PRXL2A: variants seen among roughly 807,000 people sequenced by gnomAD.
PRXL2A encodes peroxiredoxin-like 2A.
Under a neutral mutation model 25.6 loss-of-function variants are expected in PRXL2A, and 26 were observed. That is an observed-to-expected ratio of 1.02 (90% confidence interval 0.74 to 1.41). PRXL2A has a LOEUF of 1.41. PRXL2A is among the 40% of genes most tolerant of loss of function. The pLI is 0.00. For missense variants in PRXL2A, 246 were observed against 273.9 expected (o/e 0.90, Z 0.72); for synonymous variants, 98 against 102.9 (o/e 0.95, Z 0.29).
At chr10:80,414,996 CAGT>C (rs1158451157) in intron 1 of PRXL2A, among the ~76,000 whole-genome samples, 1 of 152,226 alleles carries the variant, frequency 6.6e-6, no homozygotes, top group Non-Finnish European at 1.5e-5. Flanking sequence ...CAGCAAGTCA[CAGT>C]AGTACGTGCT....
Position 80,427,384 on chromosome 10 carries a change from G to T in PRXL2A, c.464G>T (p.Arg155Leu). Residue 155 changes from arginine to leucine, a missense_variant, in exon 5 of 6, where the codon CGT (arginine) becomes CTT (leucine). Arg to Leu is a moderately radical substitution (Grantham distance 102, BLOSUM62 -2). Transcript: ENST00000606162. ...RRKMMFMGFIRLGVWYNFFRA... is the reference protein window; with the variant it reads ...RRKMMFMGFILLGVWYNFFRA... ...AAGATGATGTTTATGGGATTTATCC[G>T]TCTGGGAGTGTGGTACAACTTCTTC... The T allele has an allele frequency of 6.2e-7, 1 of 1,614,100 alleles. No homozygotes were observed. Among genetic ancestry groups the T allele is most frequent in the South Asian group, 1.1e-5 (1 of 91,080 alleles).
intron 1 of PRXL2A, among the ~76,000 whole-genome samples, chr10:80,410,107 G>A (rs987866588): frequency 6.6e-6 from 1 of 152,224 alleles, no homozygotes; most frequent in African/African-American, 2.4e-5. Flanking sequence ...GAACTCTAGG[G>A]CTCAAGCCCC....
Position 80,433,271 on chromosome 10 carries a change from A to T in PRXL2A, c.*1172A>T, listed in dbSNP as rs748886403. 1 of 152,260 alleles carries T rather than the reference A, an allele frequency of 6.6e-6. No homozygotes were observed. The highest frequency in any genetic ancestry group is 1.5e-5 in the Non-Finnish European group (1 of 68,048). 9.4% of individuals were successfully genotyped at this position (152,260 alleles called of 1,614,324 possible). ...GTCTTTTAGCCTAATTTGGCAAATC[A>T]GAAGAAAGGACATAGAGATGATGAA... is the stretch of plus-strand genomic sequence containing the variant. On this transcript the variant is annotated 3_prime_UTR_variant, in exon 6 of 6. Transcript: ENST00000606162.
At chr10:80,412,491 A>G (rs1395464152) in intron 1 of PRXL2A, among the ~76,000 whole-genome samples, 1 of 152,192 alleles carries the variant, frequency 6.6e-6, no homozygotes, top group Non-Finnish European at 1.5e-5. Flanking sequence ...AGTGCTGGGG[A>G]TGCAGGAATG....
chr10:80,427,515 C>G lies in PRXL2A; in HGVS notation c.576+19C>G. 6.2e-7 allele frequency: 1 copy of G among 1,613,412 alleles called. No homozygotes were observed. The highest frequency in any genetic ancestry group is 8.5e-7 in the Non-Finnish European group (1 of 1,179,612). The stretch of plus-strand genomic sequence containing the variant: ...AAAGCAGGTGAGTTCTTGGTGTTTA[C>G]TTGTGGTCTGTAGGTGTCTGTGTCT... On this transcript the variant is annotated intron_variant, in intron 5 of 5. Transcript: ENST00000606162.
intron 1 of PRXL2A, 27 bp from the exon 2 acceptor site, chr10:80,420,439 G>T: frequency 1.3e-6 from 2 of 1,547,078 alleles, no homozygotes; most frequent in South Asian, 2.5e-5. Flanking sequence ...GAGCAGTAAC[G>T]CCTTCTTCCT....
At chr10:80,422,813 C>A (rs1316538472) in intron 3 of PRXL2A, among the ~76,000 whole-genome samples, 1 of 152,146 alleles carries the variant, frequency 6.6e-6, no homozygotes, top group East Asian at 1.9e-4. Flanking sequence ...GTGACCAGGT[C>A]CAATTCCATG....
chr10:80,415,004 C>T (rs1048747024), intron 1 of PRXL2A, among the ~76,000 whole-genome samples: 13 of 152,222 alleles, frequency 8.5e-5, no homozygotes, highest in African/African-American at 2.4e-4. Flanking sequence ...CACAGTAGTA[C>T]GTGCTTCAAG....
At chr10:80,409,656 T>C (rs1362394344) in intron 1 of PRXL2A, among the ~76,000 whole-genome samples, 1 of 152,230 alleles carries the variant, frequency 6.6e-6, no homozygotes, top group Non-Finnish European at 1.5e-5. Context: ...GATTGGGATT[T>C]CCACTGCAGA....
rs553036732 is a variant in PRXL2A, at chr10:80,415,882, C to T, written c.-2-4584C>T. On this transcript the variant is annotated intron_variant, in intron 1 of 5. Transcript: ENST00000606162. ...GAATGTGGAGCTGACTGTGAGGGGC[C>T]CTGGACTTTGTGAATGCACTGATGT... Among the ~76,000 whole-genome samples the T allele has an allele frequency of 4.7e-4, 71 of 152,162 alleles. 1 individual carries two copies. Among genetic ancestry groups the T allele is most frequent in the South Asian group, 1.5e-3 (7 of 4,810 alleles).
chr10:80,423,935 C>T (rs149842953), intron 3 of PRXL2A, among the ~76,000 whole-genome samples: 18 of 152,202 alleles, frequency 1.2e-4, no homozygotes, highest in African/African-American at 4.3e-4. Context: ...TTAGAGGCCA[C>T]CTATGTATAT....
In PRXL2A at chr10:80,433,197, C is replaced by T. The variant is rs903583154; in HGVS notation, c.*1098C>T. ...TCACGTTAGTAATTTTGCTGTCTTT[C>T]CTAGAGGAATGACTTTGGTGTTTAA... On this transcript the variant is annotated 3_prime_UTR_variant, in exon 6 of 6. Coordinates refer to ENST00000606162, the MANE Select transcript of PRXL2A (RefSeq NM_032333.5). 2.0e-5 allele frequency: 3 copies of T among 152,166 alleles called. No individual in the cohort carries two copies. Among genetic ancestry groups the T allele is most frequent in the Non-Finnish European group, 2.9e-5 (2 of 68,036 alleles). 9.4% of individuals were successfully genotyped at this position (152,166 alleles called of 1,614,324 possible). A position where few individuals can be genotyped will look rare whatever the true frequency, so the allele number is the denominator to read the frequency against.
chr10:80,411,888 G>A (rs1315089569), intron 1 of PRXL2A, among the ~76,000 whole-genome samples: 3 of 152,180 alleles, frequency 2.0e-5, no homozygotes, highest in Non-Finnish European at 4.4e-5. Context: ...CTGGGCAGGT[G>A]TACCCTTGAT....
At position 80,427,566 on chromosome 10, in the gene PRXL2A, C is replaced by T. The variant is rs1845093062; in HGVS notation, c.576+70C>T. Reference sequence around the variant, plus strand: ...GTGAGTGTGAGACTCCAACCAGAAGCTGGAGTGGGGGTTGACTTTCCCTGT... The same window carrying T: ...GTGAGTGTGAGACTCCAACCAGAAGTTGGAGTGGGGGTTGACTTTCCCTGT... On this transcript the variant is annotated intron_variant, in intron 5 of 5. Transcript: ENST00000606162. The T allele has an allele frequency of 2.6e-6, 4 of 1,515,384 alleles. No individual in the cohort carries two copies. In the Admixed American group the frequency reaches 5.4e-5, roughly 20 times the overall value. 93.9% of individuals were successfully genotyped at this position (1,515,384 alleles called of 1,614,324 possible).
At chr10:80,428,244 C>T (rs1020606209) in intron 5 of PRXL2A, among the ~76,000 whole-genome samples, 4 of 152,090 alleles carry the variant, frequency 2.6e-5, no homozygotes, top group African/African-American at 9.7e-5. Context: ...TCTATAGGCC[C>T]AAGAGCCAGG....
At chr10:80,428,964 C>T (rs557327216) in intron 5 of PRXL2A, among the ~76,000 whole-genome samples, 5 of 152,066 alleles carry the variant, frequency 3.3e-5, no homozygotes, top group South Asian at 4.2e-4. Flanking sequence ...TGCAGTGGTG[C>T]GATCTCGGCT....
rs938095043 is a variant in PRXL2A, at chr10:80,420,399, C to T, written c.-2-67C>T. 4 of 1,506,386 alleles carry T rather than the reference C, an allele frequency of 2.7e-6. No homozygotes were observed. In the African/African-American group the frequency reaches 5.6e-5, roughly 21 times the overall value. 93.3% of individuals were successfully genotyped at this position (1,506,386 alleles called of 1,614,324 possible). ...GTTGGCTGTCCTGCCAGAGCCTTGC[C>T]TGGAAGATGAAATTCCAGCTACCCT... On this transcript the variant is annotated intron_variant, in intron 1 of 5. Transcript: ENST00000606162.
rs187412845 is a variant in PRXL2A at position 80,422,400 on chromosome 10, T to C, written c.179-17T>C. 2.8e-5 allele frequency: 45 copies of C among 1,601,744 alleles called. No individual in the cohort carries two copies. The Admixed American group carries it at 7.5e-4, about 27-fold the overall frequency. ...GGGCTGGGAGGAGATATCGAATTTCTTTTTTTCCTCTCTTAGAACCAAGGA... is the reference window on the plus strand; with the variant it reads ...GGGCTGGGAGGAGATATCGAATTTCCTTTTTTCCTCTCTTAGAACCAAGGA... On this transcript the variant is annotated splice_polypyrimidine_tract_variant and intron_variant, in intron 2 of 5. Coordinates refer to ENST00000606162, the MANE Select transcript of PRXL2A (RefSeq NM_032333.5).
In PRXL2A at chr10:80,434,458, A is replaced by G. The variant is rs1215769571; in HGVS notation, c.*2359A>G. 6.6e-6 allele frequency: 1 copy of G among 152,234 alleles called. No individual in the cohort carries two copies. The highest frequency in any genetic ancestry group is 1.5e-5 in the Non-Finnish European group (1 of 68,042). The allele number at this position is 152,234 out of a possible 1,614,324, so 9.4% of individuals were successfully genotyped here. A position where few individuals can be genotyped will look rare whatever the true frequency, so the allele number is the denominator to read the frequency against. On this transcript the variant is annotated 3_prime_UTR_variant, in exon 6 of 6. Coordinates refer to ENST00000606162, the MANE Select transcript of PRXL2A (RefSeq NM_032333.5). ...CACTGCTTCTCAGACTGTAATGTAC[A>G]TGCACATCACATAAGGACCTTATTA...
Sources: gnomAD v4.1 joint callset for allele counts (sites outside exome capture counted in the v4.1 genomes callset) on GRCh38, gnomAD v4.1.1 for gene constraint, MANE v1.5 for transcripts, NCBI Gene and HGNC (gene_info 2026-07-23, HGNC 2026-07-21) for gene names.